Variants in ZNF804B observed in about 807,000 individuals in gnomAD.
ZNF804B encodes the protein zinc finger protein 804B, also known as zinc finger 804B.
In ZNF804B, 80 loss-of-function variants were observed where a neutral mutation model predicts 101.4. The observed-to-expected ratio is 0.79, with a 90% CI of 0.66 to 0.95. The LOEUF is 0.95. Among genes scored for constraint, ZNF804B ranks in the 40% least tolerant of loss-of-function variants. ZNF804B has a pLI of 0.00. For synonymous variants in ZNF804B, 622 were observed against 558.8 expected, an observed-to-expected ratio of 1.11 and a Z score of -1.59; for missense variants, 1,673 against 1,561.9, an observed-to-expected ratio of 1.07 and a Z score of -1.20.
At chr7:89,031,704 C>G (rs1365657413) in intron 1 of ZNF804B, among the ~76,000 whole-genome samples, 1 of 149,210 alleles carries the variant, frequency 6.7e-6, no homozygotes, top group East Asian at 2.0e-4. Flanking sequence ...ATTTGAATAA[C>G]TAATACCCAA....
chr7:89,215,773 C>T (rs1788883553), intron 1 of ZNF804B, among the ~76,000 whole-genome samples: 3 of 151,622 alleles, frequency 2.0e-5, no homozygotes, highest in Non-Finnish European at 4.4e-5. Flanking sequence ...GTGCAAGCTA[C>T]TGCGGGAGGC....
chr7:89,152,488 G>A (rs1790893952), intron 1 of ZNF804B, among the ~76,000 whole-genome samples: 1 of 151,802 alleles, frequency 6.6e-6, no homozygotes, highest in African/African-American at 2.4e-5. Context: ...GTATGAATGT[G>A]TCCCATTTTT....
At chr7:88,937,096 G>A (rs980947322) in intron 1 of ZNF804B, among the ~76,000 whole-genome samples, 4 of 91,474 alleles carry the variant, frequency 4.4e-5, no homozygotes, top group African/African-American at 8.8e-5. Context: ...TAAATGCTTT[G>A]AAAAAACTAT....
intron 2 of ZNF804B, among the ~76,000 whole-genome samples, chr7:89,254,379 ATAAT>A (rs1288370678): frequency 6.6e-6 from 1 of 151,954 alleles, no homozygotes; most frequent in African/African-American, 2.4e-5. Flanking sequence ...GAAATGCCTA[ATAAT>A]TAAACTACCA....
intron 1 of ZNF804B, among the ~76,000 whole-genome samples, chr7:88,858,068 C>T (rs1029816192): frequency 1.3e-5 from 2 of 151,942 alleles, no homozygotes; most frequent in Non-Finnish European, 2.9e-5. Flanking sequence ...GGTGATCTGC[C>T]CACCTCAGCC....
Position 88,773,827 on chromosome 7 carries a change from C to A in ZNF804B, c.108+13743C>A, listed in dbSNP as rs189398273. On this transcript the variant is annotated intron_variant, in intron 1 of 3. Coordinates refer to ENST00000333190, the MANE Select transcript of ZNF804B (RefSeq NM_181646.5). ...AGGGGGGTGAGGGAGATGCCACTCT[C>A]TTTTAAATGATCGGATCACCTGAGA... Among the ~76,000 whole-genome samples the A allele has an allele frequency of 4.0e-3, 609 of 152,008 alleles. 8 individuals are homozygous for A. Among genetic ancestry groups the A allele is most frequent in the South Asian group, 0.01 (50 of 4,814 alleles).
At chr7:88,905,946 A>G (rs1792464595) in intron 1 of ZNF804B, among the ~76,000 whole-genome samples, 1 of 141,582 alleles carries the variant, frequency 7.1e-6, no homozygotes, top group African/African-American at 2.6e-5. Flanking sequence ...TTACTGATTC[A>G]ATTTCAGAAT....
intron 1 of ZNF804B, among the ~76,000 whole-genome samples, chr7:88,862,851 T>C (rs1791670420): frequency 6.6e-6 from 1 of 152,166 alleles, no homozygotes; most frequent in Admixed American, 6.6e-5. Flanking sequence ...TGCACTCTGC[T>C]TTTCACTTTG....
At chr7:88,842,729 AAACGAACT>A (rs879916750) in intron 1 of ZNF804B, among the ~76,000 whole-genome samples, 2 of 152,218 alleles carry the variant, frequency 1.3e-5, no homozygotes, top group Admixed American at 6.5e-5. Flanking sequence ...CTGCTGCTTC[AAACGAACT>A]AAGAATTTAA....
chr7:88,790,434 C>A lies in ZNF804B; in HGVS notation c.108+30350C>A, dbSNP rs532994832. ...CTGATGCTCTCCCTCCCCTTGCACC[C>A]CTGACAGGCCCTAGTGGGTGTTGTT... On this transcript the variant is annotated intron_variant, in intron 1 of 3. Coordinates refer to ENST00000333190, the MANE Select transcript of ZNF804B (RefSeq NM_181646.5). 5.1e-3 allele frequency among the ~76,000 whole-genome samples: 775 copies of A among 152,038 alleles called. 3 individuals carry two copies. Among genetic ancestry groups the A allele is most frequent in the Non-Finnish European group, 7.9e-3 (540 of 67,966 alleles).
intron 1 of ZNF804B, among the ~76,000 whole-genome samples, chr7:89,036,395 G>A (rs553486533): frequency 1.3e-5 from 2 of 151,726 alleles, no homozygotes; most frequent in South Asian, 4.2e-4. Context: ...AGTTAATAAT[G>A]TTATTAATAT....
chr7:88,818,732 A>G (rs1386335300), intron 1 of ZNF804B, among the ~76,000 whole-genome samples: 1 of 152,140 alleles, frequency 6.6e-6, no homozygotes, highest in Non-Finnish European at 1.5e-5. Flanking sequence ...CCACTTAGTT[A>G]CTCATTAATG....
intron 1 of ZNF804B, among the ~76,000 whole-genome samples, chr7:88,844,026 C>T (rs1374788333): frequency 3.9e-5 from 6 of 151,916 alleles, no homozygotes; most frequent in Non-Finnish European, 8.8e-5. Context: ...ACATATAGAT[C>T]CTAACATGAC....
chr7:88,900,370 T>G (rs1488572874), intron 1 of ZNF804B, among the ~76,000 whole-genome samples: 2 of 151,876 alleles, frequency 1.3e-5, no homozygotes, highest in Non-Finnish European at 2.9e-5. Flanking sequence ...GCATTCCTAT[T>G]AGATTTTACT....
chr7:88,805,971 T>A lies in ZNF804B; in HGVS notation c.108+45887T>A, dbSNP rs985512882. Among the ~76,000 whole-genome samples, 25 of 152,180 alleles carry A rather than the reference T, an allele frequency of 1.6e-4. No homozygotes were observed. In the East Asian group the frequency reaches 4.8e-3, roughly 29 times the overall value. On this transcript the variant is annotated intron_variant, in intron 1 of 3. Coordinates refer to ENST00000333190, the MANE Select transcript of ZNF804B (RefSeq NM_181646.5). The stretch of plus-strand genomic sequence containing the variant: ...TAGATAATAGCTTTGTGCTTTTTTT[T>A]TTTTTTCCTAACTCAGGAAGTTTTA...
At chr7:89,256,781 A>G (rs1470648606) in intron 2 of ZNF804B, among the ~76,000 whole-genome samples, 4 of 152,162 alleles carry the variant, frequency 2.6e-5, no homozygotes, top group Admixed American at 6.5e-5. Flanking sequence ...AGTGTTTTCC[A>G]TACTCTTCAG....
chr7:88,922,292 A>C lies in ZNF804B; in HGVS notation c.108+162208A>C, dbSNP rs909863398. ...TTTGCTGGGAACTGTCATATTTCTG[A>C]ATTTGATGTAATAATTTAAAAATAT... On this transcript the variant is annotated intron_variant, in intron 1 of 3. Coordinates refer to ENST00000333190, the MANE Select transcript of ZNF804B (RefSeq NM_181646.5). Among the ~76,000 whole-genome samples the C allele has an allele frequency of 2.0e-5, 3 of 152,070 alleles. No individual in the cohort carries two copies. The East Asian group carries it at 5.8e-4, about 29-fold the overall frequency.
chr7:88,798,789 A>ACATTCAG (rs1489631406), intron 1 of ZNF804B, among the ~76,000 whole-genome samples: 1 of 152,066 alleles, frequency 6.6e-6, no homozygotes, highest in Non-Finnish European at 1.5e-5. Context: ...TGCTCAATGG[A>ACATTCAG]CATTCAGCTT....
chr7:89,144,663 T>C (rs752067374), intron 1 of ZNF804B, among the ~76,000 whole-genome samples: 3 of 151,884 alleles, frequency 2.0e-5, no homozygotes, highest in Non-Finnish European at 2.9e-5. Flanking sequence ...AATAATAAGG[T>C]AGATTTCAAA....
Sources: gnomAD v4.1 joint callset for allele counts (sites outside exome capture counted in the v4.1 genomes callset) on GRCh38, gnomAD v4.1.1 for gene constraint, MANE v1.5 for transcripts, NCBI Gene and HGNC (gene_info 2026-07-23, HGNC 2026-07-21) for gene names.